NIPSNAP2: variants seen among roughly 807,000 people sequenced by gnomAD.
NIPSNAP2 encodes the protein nipsnap homolog 2.
In NIPSNAP2, 42 loss-of-function variants were observed where a neutral mutation model predicts 48.4. That is an observed-to-expected ratio of 0.87 (90% CI 0.68 to 1.12). The LOEUF is 1.12. NIPSNAP2 is among the 50% of genes most tolerant of loss of function. The pLI is 0.00. For synonymous variants in NIPSNAP2, 158 were observed against 126.6 expected (o/e 1.25, Z -1.67); for missense variants, 314 against 347.3 (o/e 0.90, Z 0.76).
chr7:55,972,640 C>A (rs1415080916), intron 1 of NIPSNAP2, among the ~76,000 whole-genome samples: 1 of 151,964 alleles, frequency 6.6e-6, no homozygotes, highest in Non-Finnish European at 1.5e-5. Flanking sequence ...GCATGTTGGT[C>A]AGTCTGGTTT....
At chr7:55,978,558 G>C in intron 3 of NIPSNAP2, 163 bp downstream of exon 3, 1 of 668,206 alleles carries the variant, frequency 1.5e-6, no homozygotes, top group Non-Finnish European at 2.5e-6. Flanking sequence ...ATTGCCGAAG[G>C]CGTTTTGATT....
chr7:55,975,421 A>G (rs567921323), intron 1 of NIPSNAP2, among the ~76,000 whole-genome samples: 21 of 152,262 alleles, frequency 1.4e-4, no homozygotes, highest in African/African-American at 4.8e-4. Flanking sequence ...AAGATCACCA[A>G]TTATAAAAGG....
intron 1 of NIPSNAP2, among the ~76,000 whole-genome samples, chr7:55,967,961 A>AT (rs983632373): frequency 6.6e-6 from 1 of 151,126 alleles, no homozygotes; most frequent in Non-Finnish European, 1.5e-5. Context: ...CTAATTTTTA[A>AT]TTTTTTTGTA....
At position 55,984,018 on chromosome 7, in the gene NIPSNAP2, A is replaced by T. The variant is rs1221634238; in HGVS notation, c.585+150A>T. 8.1e-6 allele frequency: 4 copies of T among 493,316 alleles called. No homozygotes were observed. The African/African-American group carries it at 8.4e-5, about 10-fold the overall frequency. The allele number at this position is 493,316 out of a possible 1,614,324, so 30.6% of individuals were successfully genotyped here. On this transcript the variant is annotated intron_variant, in intron 6 of 9. Coordinates refer to ENST00000322090, the MANE Select transcript of NIPSNAP2 (RefSeq NM_001483.3). The stretch of plus-strand genomic sequence containing the variant: ...ATGTATTTTTTTAAGACTGGGTCTC[A>T]CACTGTCACCAAGGCTAAGCTCTTT...
At chr7:55,980,583 C>G (rs1477753570) in intron 3 of NIPSNAP2, 1 of 152,088 alleles carries the variant, frequency 6.6e-6, no homozygotes, top group African/African-American at 2.4e-5. Context: ...CAGGTTTTAG[C>G]TTTTCTCTTG....
intron 3 of NIPSNAP2, chr7:55,979,265 T>G (rs1489322474): frequency 6.5e-6 from 1 of 152,884 alleles, no homozygotes; most frequent in African/African-American, 2.4e-5. Flanking sequence ...GATGTTTATT[T>G]CTAAGTCTTT....
At chr7:55,989,184 C>T (rs1466631725) in intron 7 of NIPSNAP2, among the ~76,000 whole-genome samples, 1 of 152,202 alleles carries the variant, frequency 6.6e-6, no homozygotes, top group Non-Finnish European at 1.5e-5. Flanking sequence ...TCCACGTCCT[C>T]CCAGGAGCTA....
chr7:55,994,928 G>T lies in NIPSNAP2; in HGVS notation c.652G>T (p.Glu218Ter). 1 of 1,614,154 alleles carries T rather than the reference G, an allele frequency of 6.2e-7. No homozygotes were observed. Among genetic ancestry groups the T allele is most frequent in the Non-Finnish European group, 8.5e-7 (1 of 1,180,026 alleles). ...AATCCGCTTCAGACAGGATGGTAAC[G>T]AAGCCGTCGGAGGATTCTTCTCTCA... The part of the protein sequence containing the change: ...RAIRFRQDGN[E>*]AVGGFFSQIG... The change falls in exon 8 of 10, where the codon GAA becomes TAA. Residue 218 changes from glutamate (E) to a stop codon, truncating the protein, a stop_gained. Coordinates refer to ENST00000322090, the MANE Select transcript of NIPSNAP2 (RefSeq NM_001483.3). LOFTEE classifies it high-confidence loss of function.
chr7:55,977,757 A>G (rs1787131396), intron 1 of NIPSNAP2, among the ~76,000 whole-genome samples: 1 of 151,952 alleles, frequency 6.6e-6, no homozygotes, highest in Non-Finnish European at 1.5e-5. Flanking sequence ...CATCTTCCTA[A>G]ACTGAAACTC....
rs66485869 is a variant in NIPSNAP2, at chr7:55,982,297, A to G, written c.444+17A>G. 0.16 allele frequency: 237,163 copies of G among 1,462,656 alleles called. 20,201 individuals carry two copies. The highest frequency in any genetic ancestry group is 0.18 in the Non-Finnish European group (186,026 of 1,047,182). 90.6% of individuals were successfully genotyped at this position (1,462,656 alleles called of 1,614,324 possible). A position where few individuals can be genotyped will look rare whatever the true frequency, so the allele number is the denominator to read the frequency against. On this transcript the variant is annotated intron_variant, in intron 5 of 9. Transcript: ENST00000322090. The stretch of plus-strand genomic sequence containing the variant: ...GAAAATAAGGTAATGATATTGAAAA[A>G]TGTTTACTTAGACTAATGATATATA...
At chr7:55,997,541 G>C (rs761224444) in intron 9 of NIPSNAP2, 92 bp downstream of exon 9, 206 of 973,216 alleles carry the variant, frequency 2.1e-4, no homozygotes, top group Non-Finnish European at 3.2e-4. Flanking sequence ...TTTTGTAATA[G>C]TATGTTGCTA....
Position 55,994,742 on chromosome 7 carries a change from T to G in NIPSNAP2, c.618-152T>G, listed in dbSNP as rs1439874060. 2.8e-5 allele frequency: 18 copies of G among 653,744 alleles called. No individual in the cohort carries two copies. In the East Asian group the frequency reaches 4.6e-4, roughly 17 times the overall value. The allele number at this position is 653,744 out of a possible 1,614,324, so 40.5% of individuals were successfully genotyped here. Reference sequence around the variant, plus strand: ...AATAATAAAGTAAATAAAATAACTTTTGATTTGCCTTAGATAACTTGATAC... The same window carrying G: ...AATAATAAAGTAAATAAAATAACTTGTGATTTGCCTTAGATAACTTGATAC... On this transcript the variant is annotated intron_variant, in intron 7 of 9. Coordinates refer to ENST00000322090, the MANE Select transcript of NIPSNAP2 (RefSeq NM_001483.3).
intron 7 of NIPSNAP2, 41 bp downstream of exon 7, chr7:55,984,919 A>G (rs376227611): frequency 7.8e-6 from 12 of 1,530,666 alleles, no homozygotes; most frequent in Non-Finnish European, 1.1e-5. Context: ...AGTCTTGTGA[A>G]TAGATTAGTT....
In NIPSNAP2 at chr7:55,999,018, T is replaced by G; in HGVS notation, c.807T>G (p.Ile269Met). The G allele has an allele frequency of 6.2e-7, 1 of 1,614,060 alleles. No individual in the cohort carries two copies. The highest frequency in any genetic ancestry group is 8.5e-7 in the Non-Finnish European group (1 of 1,179,946). The change falls in exon 10 of 10, where the codon ATT becomes ATG. Residue 269 changes from isoleucine to methionine, a missense_variant. Around this residue, in one of 2 missense-constraint regions of NIPSNAP2, gnomAD observed 116 missense variants for 161.8 expected, o/e 0.72. Coordinates refer to ENST00000322090, the MANE Select transcript of NIPSNAP2 (RefSeq NM_001483.3). ...TGATCTTGTTTTCAGTTCCACTTAT[T>G]CAGGAAATGGAATCCAGAATCATGA... is the stretch of plus-strand genomic sequence containing the variant. Reference protein sequence around the residue: ...EELVYYTVPLIQEMESRIMIP... With the variant: ...EELVYYTVPLMQEMESRIMIP...
At chr7:55,968,865 AAACTACAACATTTAGCAGGGT>A (rs1326108021) in intron 1 of NIPSNAP2, among the ~76,000 whole-genome samples, 125 of 152,164 alleles carry the variant, frequency 8.2e-4, no homozygotes, top group Non-Finnish European at 1.5e-3. Context: ...GTCTCTACTA[AAACTACAACATTTAGCAGGGT>A]AACTACAACA....
intron 1 of NIPSNAP2, among the ~76,000 whole-genome samples, chr7:55,975,324 G>A (rs1787088300): frequency 6.6e-6 from 1 of 152,168 alleles, no homozygotes; most frequent in Non-Finnish European, 1.5e-5. Context: ...GTGCACTCCA[G>A]CCTGGGCAAC....
At chr7:55,995,283 G>A (rs1787539250) in intron 8 of NIPSNAP2, among the ~76,000 whole-genome samples, 2 of 152,164 alleles carry the variant, frequency 1.3e-5, no homozygotes, top group African/African-American at 4.8e-5. Context: ...TCCACAGAGT[G>A]GTCCCAGCCT....
intron 1 of NIPSNAP2, among the ~76,000 whole-genome samples, chr7:55,965,754 T>C (rs993202328): frequency 2.0e-5 from 3 of 152,122 alleles, no homozygotes; most frequent in African/African-American, 7.2e-5. Context: ...CTAATTTTTG[T>C]ATTTTTAGTA....
chr7:55,984,717 CAAAAA>C (rs34985300), intron 6 of NIPSNAP2, 125 bp from the exon 7 acceptor site: 573 of 491,860 alleles, frequency 1.2e-3, no homozygotes, highest in East Asian at 1.7e-3. Flanking sequence ...GATTCTGTCT[CAAAAA>C]AAAAAAAAAA....
Sources: allele counts gnomAD v4.1 joint callset (sites outside exome capture counted in the v4.1 genomes callset), GRCh38; gene constraint gnomAD v4.1.1; regional missense constraint gnomAD v4.1.1; transcripts MANE v1.5; gene names NCBI Gene and HGNC (gene_info 2026-07-23, HGNC 2026-07-21).